TAFA5: variants seen among roughly 807,000 people sequenced by gnomAD.
TAFA5 encodes the protein TAFA chemokine like family member 5, also known as chemokine-like protein TAFA-5.
A neutral mutation model predicts 15.3 loss-of-function variants in TAFA5; 6 were observed. That is an observed-to-expected ratio of 0.39 (90% CI 0.21 to 0.77). The LOEUF is 0.77. Among genes scored for constraint, TAFA5 ranks in the 30% least tolerant of loss-of-function variants. The pLI is 0.41. For missense variants in TAFA5, 161 were observed against 193.1 expected (o/e 0.83, Z 0.98); for synonymous variants, 103 against 80.7 (o/e 1.28, Z -1.48).
At position 48,688,443 on chromosome 22, in the gene TAFA5, C is replaced by T. The variant is rs986304130; in HGVS notation, c.263-19274C>T. ...GCACTGAATAGCAAGGACCAGAGCA[C>T]GCTGCCCTTTTCTCAGTGTTCTCCT... On this transcript the variant is annotated intron_variant, in intron 2 of 3. Transcript: ENST00000402357. Among the ~76,000 whole-genome samples the T allele has an allele frequency of 5.3e-5, 8 of 152,214 alleles. 1 individual carries two copies. Among genetic ancestry groups the T allele is most frequent in the Non-Finnish European group, 1.2e-4 (8 of 68,036 alleles).
chr22:48,749,339 G>A (rs1014796350), intron 3 of TAFA5, among the ~76,000 whole-genome samples: 1 of 152,210 alleles, frequency 6.6e-6, no homozygotes, highest in African/African-American at 2.4e-5. Flanking sequence ...ACACAGACCT[G>A]TAGAGGCCCG....
chr22:48,598,915 A>G lies in TAFA5; in HGVS notation c.113-47682A>G, dbSNP rs186576950. On this transcript the variant is annotated intron_variant, in intron 1 of 3. Coordinates refer to ENST00000402357, the MANE Select transcript of TAFA5 (RefSeq NM_001082967.3). This position sits in a 1 kb window ranked among gnomAD's most constrained non-coding sequence, Gnocchi z 4.0. ...TCCTGGCATTCCGTCATTTGCGAGA[A>G]TGGCCCACAATCCTCAGGAAGCCCT... is the stretch of plus-strand genomic sequence containing the variant. Among the ~76,000 whole-genome samples the G allele has an allele frequency of 5.3e-5, 8 of 152,238 alleles. No homozygotes were observed. In the East Asian group the frequency reaches 1.4e-3, roughly 26 times the overall value.
rs1164818438 is a variant in TAFA5 at position 48,658,940 on chromosome 22, C to T, written c.262+12194C>T. 3.3e-5 allele frequency among the ~76,000 whole-genome samples: 5 copies of T among 152,248 alleles called. No individual in the cohort carries two copies. The South Asian group carries it at 6.2e-4, about 19-fold the overall frequency. On this transcript the variant is annotated intron_variant, in intron 2 of 3. Transcript: ENST00000402357. ...AAGGAACCATGGCCTCAGACTGCAG[C>T]GTCCAAAGAGGTCGTGTAAGAGGAG...
chr22:48,630,858 G>A (rs74903587), intron 1 of TAFA5, among the ~76,000 whole-genome samples: 78 of 152,248 alleles, frequency 5.1e-4, no homozygotes, highest in African/African-American at 1.7e-3. Context: ...AAAGCAAAGT[G>A]AGCCCAAATC....
intron 2 of TAFA5, among the ~76,000 whole-genome samples, chr22:48,678,777 T>A (rs944479448): frequency 2.6e-5 from 4 of 151,446 alleles, no homozygotes; most frequent in African/African-American, 9.7e-5. Context: ...AAAAAAATGC[T>A]GGTGTGTACA....
chr22:48,534,422 A>ACC (rs1922081116), intron 1 of TAFA5, among the ~76,000 whole-genome samples: 1 of 152,076 alleles, frequency 6.6e-6, no homozygotes, highest in African/African-American at 2.4e-5. Flanking sequence ...CACGGGGGTA[A>ACC]CCCTGCATGG....
chr22:48,548,750 G>A (rs553538944), intron 1 of TAFA5, among the ~76,000 whole-genome samples: 9 of 152,252 alleles, frequency 5.9e-5, no homozygotes, highest in Non-Finnish European at 1.2e-4. Context: ...CAGCATCAGC[G>A]CAGGTGAGAG....
At position 48,598,150 on chromosome 22, in the gene TAFA5, C is replaced by T. The variant is rs562643544; in HGVS notation, c.113-48447C>T. 1.5e-4 allele frequency among the ~76,000 whole-genome samples: 23 copies of T among 152,274 alleles called. No homozygotes were observed. The South Asian group carries it at 2.7e-3, about 18-fold the overall frequency. ...GGTGCAGCTGGCGTCGTGAGGCCTC[C>T]GCTGGAGAATTCTTTTCTTGCTTGA... On this transcript the variant is annotated intron_variant, in intron 1 of 3. Transcript: ENST00000402357. This position sits in a 1 kb window ranked among gnomAD's most constrained non-coding sequence, Gnocchi z 4.0.
chr22:48,635,136 G>T (rs1926399226), intron 1 of TAFA5, among the ~76,000 whole-genome samples: 1 of 152,144 alleles, frequency 6.6e-6, no homozygotes, highest in Non-Finnish European at 1.5e-5. Flanking sequence ...TTCCCGTTGT[G>T]GCCTGTTGCA....
intron 3 of TAFA5, among the ~76,000 whole-genome samples, chr22:48,735,873 CG>C (rs10716843): frequency 0.026 from 1,372 of 53,706 alleles, 102 homozygotes; most frequent in African/African-American, 0.11. Context: ...GTCCATCCCC[CG>C]CAGGAGGAAT....
At position 48,742,677 on chromosome 22, in the gene TAFA5, G is replaced by A. The variant is rs1930215662; in HGVS notation, c.391-7162G>A. 6.6e-6 allele frequency among the ~76,000 whole-genome samples: 1 copy of A among 152,164 alleles called. No individual in the cohort carries two copies. Among genetic ancestry groups the A allele is most frequent in the Admixed American group, 6.5e-5 (1 of 15,280 alleles). ...GTGGACCAGGCAACGTGGTAGACCG[G>A]GCAGTGTGATGGACCAGGCGACGTG... On this transcript the variant is annotated intron_variant, in intron 3 of 3. Coordinates refer to ENST00000402357, the MANE Select transcript of TAFA5 (RefSeq NM_001082967.3). This position sits in a 1 kb window ranked among gnomAD's most constrained non-coding sequence, Gnocchi z 6.2.
intron 1 of TAFA5, among the ~76,000 whole-genome samples, chr22:48,535,887 T>C (rs1490183071): frequency 3.3e-5 from 5 of 152,186 alleles, no homozygotes; most frequent in Non-Finnish European, 2.9e-5. Flanking sequence ...CTCGTGTGTG[T>C]GCACACAGGC....
intron 1 of TAFA5, among the ~76,000 whole-genome samples, chr22:48,601,668 T>C (rs1924978175): frequency 6.6e-6 from 1 of 152,142 alleles, no homozygotes; most frequent in South Asian, 2.1e-4. Flanking sequence ...GTACAGAATT[T>C]AAAAGGTGCA....
intron 2 of TAFA5, among the ~76,000 whole-genome samples, chr22:48,654,115 G>A (rs958864592): frequency 6.6e-6 from 1 of 152,098 alleles, no homozygotes. Flanking sequence ...TTGGCGCCGC[G>A]GCTCTGGAGG....
At chr22:48,498,841 T>G (rs916590847) in intron 1 of TAFA5, among the ~76,000 whole-genome samples, 1 of 152,236 alleles carries the variant, frequency 6.6e-6, no homozygotes, top group Non-Finnish European at 1.5e-5. Flanking sequence ...ATACCTTGTC[T>G]GTGGCCCCAG....
intron 1 of TAFA5, among the ~76,000 whole-genome samples, chr22:48,513,856 G>A (rs1029893496): frequency 4.6e-5 from 7 of 152,230 alleles, no homozygotes; most frequent in Admixed American, 6.5e-5. Flanking sequence ...CTGTCTGGGC[G>A]CTGTGGGGGC....
At chr22:48,640,842 G>A (rs1238354157) in intron 1 of TAFA5, among the ~76,000 whole-genome samples, 4 of 151,750 alleles carry the variant, frequency 2.6e-5, no homozygotes, top group Non-Finnish European at 4.4e-5. Context: ...GACAACTTCT[G>A]TCTGAAGCTG....
At chr22:48,729,894 A>G (rs1246764576) in intron 3 of TAFA5, among the ~76,000 whole-genome samples, 1 of 152,000 alleles carries the variant, frequency 6.6e-6, no homozygotes, top group Non-Finnish European at 1.5e-5. Context: ...TGGGCCAGGC[A>G]CCGTGTCAGG....
chr22:48,733,053 T>C (rs1487501670), intron 3 of TAFA5, among the ~76,000 whole-genome samples: 1 of 152,194 alleles, frequency 6.6e-6, no homozygotes. Context: ...AACCAAAAAT[T>C]TGTGTCACTC....
Sources: gnomAD v4.1 joint callset for allele counts (sites outside exome capture counted in the v4.1 genomes callset) on GRCh38, gnomAD v4.1.1 for gene constraint, Gnocchi (gnomAD v3.1) non-coding constraint, MANE v1.5 for transcripts, NCBI Gene and HGNC (gene_info 2026-07-23, HGNC 2026-07-21) for gene names.